Variants in SGCZ observed in about 807,000 individuals in gnomAD.
SGCZ encodes zeta-sarcoglycan.
In SGCZ, 40 loss-of-function variants were observed where a neutral mutation model predicts 41.3. The observed-to-expected ratio is 0.97, with a 90% CI of 0.75 to 1.26. The LOEUF is 1.26. Ranked by LOEUF, SGCZ falls within the 50% of genes most tolerant of loss-of-function variation. The pLI is 0.00. For synonymous variants in SGCZ, 206 were observed against 137.5 expected (o/e 1.50, Z -3.49); for missense variants, 552 against 369.8 (o/e 1.49, Z -4.04).
intron 2 of SGCZ, among the ~76,000 whole-genome samples, chr8:14,423,358 T>C (rs1362914232): frequency 2.0e-5 from 3 of 152,136 alleles, no homozygotes; most frequent in Admixed American, 6.6e-5. Flanking sequence ...TACTTAATTT[T>C]TTAAAGATCT....
Position 14,413,638 on chromosome 8 carries a change from T to C in SGCZ, c.235-89434A>G, listed in dbSNP as rs1428919474. Among the ~76,000 whole-genome samples the C allele has an allele frequency of 2.6e-5, 4 of 152,048 alleles. No individual in the cohort carries two copies. In the East Asian group the frequency reaches 7.7e-4, roughly 29 times the overall value. On this transcript the variant is annotated intron_variant, in intron 2 of 7. Coordinates refer to ENST00000382080, the MANE Select transcript of SGCZ (RefSeq NM_139167.4). ...TGTTTATATCTTAGATTTCACTGTC[T>C]TGAAAATGCTCAACATTTTAAAAAT...
At chr8:14,974,093 T>C (rs1005463395) in intron 1 of SGCZ, among the ~76,000 whole-genome samples, 1 of 152,224 alleles carries the variant, frequency 6.6e-6, no homozygotes, top group Non-Finnish European at 1.5e-5. Context: ...CAAATCTTTT[T>C]ACTTGTTGAC....
At chr8:14,640,691 T>C (rs1468881109) in intron 1 of SGCZ, among the ~76,000 whole-genome samples, 2 of 151,524 alleles carry the variant, frequency 1.3e-5, no homozygotes, top group Non-Finnish European at 3.0e-5. Context: ...TGCTTTGTAC[T>C]TGAGTTTTAA....
intron 1 of SGCZ, among the ~76,000 whole-genome samples, chr8:14,617,941 G>A (rs990578888): frequency 6.6e-6 from 1 of 151,898 alleles, no homozygotes; most frequent in African/African-American, 2.4e-5. Flanking sequence ...TACGTTAAGA[G>A]GCAGATAAAA....
intron 1 of SGCZ, among the ~76,000 whole-genome samples, chr8:15,201,628 C>A (rs1800893012): frequency 6.6e-6 from 1 of 152,182 alleles, no homozygotes; most frequent in Non-Finnish European, 1.5e-5. Flanking sequence ...AGGTACCATT[C>A]AATGGCTTGT....
intron 2 of SGCZ, among the ~76,000 whole-genome samples, chr8:14,461,130 G>A (rs778445810): frequency 1.3e-5 from 2 of 151,978 alleles, no homozygotes; most frequent in African/African-American, 2.4e-5. Context: ...AGGTTCCTTC[G>A]CAGGGCTGCT....
chr8:14,443,804 G>A (rs1345101631), intron 2 of SGCZ, among the ~76,000 whole-genome samples: 2 of 151,954 alleles, frequency 1.3e-5, no homozygotes, highest in Non-Finnish European at 2.9e-5. Context: ...AGACAAAATT[G>A]ACAAATGGGA....
chr8:15,110,128 T>A (rs1030206049), intron 1 of SGCZ, among the ~76,000 whole-genome samples: 1 of 152,132 alleles, frequency 6.6e-6, no homozygotes, highest in Admixed American at 6.5e-5. Context: ...CAATGGCACG[T>A]TAGTGAGAAT....
chr8:15,085,232 A>G (rs964825060), intron 1 of SGCZ, among the ~76,000 whole-genome samples: 7 of 152,158 alleles, frequency 4.6e-5, no homozygotes, highest in African/African-American at 1.7e-4. Context: ...TAATTTTAAC[A>G]TCCTTAACTT....
intron 1 of SGCZ, among the ~76,000 whole-genome samples, chr8:15,215,952 G>C (rs1801384895): frequency 6.6e-6 from 1 of 152,114 alleles, no homozygotes; most frequent in Admixed American, 6.5e-5. Flanking sequence ...TTTGAATATT[G>C]GAAGTACATC....
At chr8:14,872,292 A>G (rs554847205) in intron 1 of SGCZ, among the ~76,000 whole-genome samples, 5 of 152,264 alleles carry the variant, frequency 3.3e-5, no homozygotes, top group Middle Eastern at 6.8e-3. Context: ...CATTCTGCAC[A>G]TATATCCCAG....
At position 14,370,297 on chromosome 8, in the gene SGCZ, G is replaced by A. The variant is rs111677387; in HGVS notation, c.235-46093C>T. 3.7e-3 allele frequency among the ~76,000 whole-genome samples: 563 copies of A among 152,024 alleles called. 4 individuals carry two copies. The highest frequency in any genetic ancestry group is 0.013 in the African/African-American group (540 of 41,536). The stretch of plus-strand genomic sequence containing the variant: ...GGCTATTAAATATAGGAAATTGTTG[G>A]CTTGGTCAGCCATCTTATATTCCTT... On this transcript the variant is annotated intron_variant, in intron 2 of 7. Coordinates refer to ENST00000382080, the MANE Select transcript of SGCZ (RefSeq NM_139167.4).
At chr8:14,387,692 G>A (rs1198376086) in intron 2 of SGCZ, among the ~76,000 whole-genome samples, 3 of 151,746 alleles carry the variant, frequency 2.0e-5, no homozygotes, top group African/African-American at 7.3e-5. Context: ...TTTATATGTT[G>A]AGGAGCACAA....
At chr8:14,374,749 C>T (rs117449759) in intron 2 of SGCZ, among the ~76,000 whole-genome samples, 7 of 151,908 alleles carry the variant, frequency 4.6e-5, no homozygotes, top group East Asian at 3.9e-4. Context: ...AACTTGGAAA[C>T]GAGAGAAGGA....
chr8:14,946,581 T>A (rs944713069), intron 1 of SGCZ, among the ~76,000 whole-genome samples: 9 of 152,040 alleles, frequency 5.9e-5, no homozygotes, highest in Non-Finnish European at 2.9e-5. Context: ...CCTGGCACAA[T>A]GTATGCATAC....
At chr8:15,079,172 T>C (rs1440680974) in intron 1 of SGCZ, among the ~76,000 whole-genome samples, 2 of 152,272 alleles carry the variant, frequency 1.3e-5, no homozygotes, top group Admixed American at 1.3e-4. Context: ...CTCACACCTG[T>C]TTTAGTTTTT....
At chr8:14,628,434 G>A (rs779644231) in intron 1 of SGCZ, among the ~76,000 whole-genome samples, 62 of 151,992 alleles carry the variant, frequency 4.1e-4, no homozygotes, top group Non-Finnish European at 7.2e-4. Flanking sequence ...GCTAGAGAAA[G>A]CTTCTTAGAA....
At chr8:14,142,772 G>A (rs1317962493) in intron 5 of SGCZ, among the ~76,000 whole-genome samples, 1 of 152,076 alleles carries the variant, frequency 6.6e-6, no homozygotes, top group Non-Finnish European at 1.5e-5. Context: ...TCCCCCAGGT[G>A]CTGTCATCCC....
At chr8:14,093,829 C>G (rs1161255354) in intron 7 of SGCZ, among the ~76,000 whole-genome samples, 1 of 152,058 alleles carries the variant, frequency 6.6e-6, no homozygotes, top group African/African-American at 2.4e-5. Context: ...TAATGCTAAT[C>G]TTTCTTCTCT....
Sources: gnomAD v4.1 joint callset for allele counts (sites outside exome capture counted in the v4.1 genomes callset) on GRCh38, gnomAD v4.1.1 for gene constraint, MANE v1.5 for transcripts, NCBI Gene and HGNC (gene_info 2026-07-23, HGNC 2026-07-21) for gene names.